The following SERBP1 variants were observed in gnomAD, a reference collection of about 807,000 sequenced individuals.
The protein encoded by SERBP1 is SERPINE1 mRNA-binding protein 1.
Under a neutral mutation model 50.2 loss-of-function variants are expected in SERBP1, and 6 were observed. The observed-to-expected ratio is 0.12, with a 90% CI of 0.07 to 0.24. The LOEUF (loss-of-function observed/expected upper bound fraction) is 0.24, where lower values mean the gene tolerates loss of function less well. Among genes scored for constraint, SERBP1 ranks in the 10% least tolerant of loss-of-function variants. SERBP1 has a pLI of 1.00. For synonymous variants in SERBP1, 168 were observed against 182.8 expected, an observed-to-expected ratio of 0.92 and a Z score of 0.65; for missense variants, 346 against 524.9, an observed-to-expected ratio of 0.66 and a Z score of 3.33.
chr1:67,412,930 A>G lies in SERBP1; in HGVS notation c.*277T>C, dbSNP rs1666887616. ...GAAATGCATATTTGCAAGCAGCAATACAAAAGTATTCATGAAGAATGCATA... is the reference window on the plus strand; with the variant it reads ...GAAATGCATATTTGCAAGCAGCAATGCAAAAGTATTCATGAAGAATGCATA... On this transcript the variant is annotated 3_prime_UTR_variant, in exon 8 of 8. Coordinates refer to ENST00000361219, the MANE Select transcript of SERBP1 (RefSeq NM_001018069.2). 2.2e-6 allele frequency: 1 copy of G among 447,914 alleles called. No individual in the cohort carries two copies. Among genetic ancestry groups the G allele is most frequent in the Non-Finnish European group, 3.9e-6 (1 of 254,720 alleles). 27.7% of individuals were successfully genotyped at this position (447,914 alleles called of 1,614,324 possible).
At chr1:67,429,349 G>A (rs983028163) in intron 1 of SERBP1, 1 of 152,200 alleles carries the variant, frequency 6.6e-6, no homozygotes, top group South Asian at 2.1e-4. Flanking sequence ...ATTTCCCAAC[G>A]GCTCAACTCA....
At chr1:67,429,849 T>C (rs1367555063) in intron 1 of SERBP1, 139 bp downstream of exon 1, 13 of 1,013,654 alleles carry the variant, frequency 1.3e-5, no homozygotes, top group Non-Finnish European at 1.6e-5. Context: ...GACCGGACTT[T>C]TGTCGCGTGA....
chr1:67,424,999 A>G (rs751914900), intron 3 of SERBP1, 22 bp from the exon 4 acceptor site: 1 of 1,608,430 alleles, frequency 6.2e-7, no homozygotes, highest in African/African-American at 1.3e-5. Context: ...GAGTTAACAT[A>G]ATACTCTTTA....
chr1:67,415,088 G>A (rs1666958844), intron 7 of SERBP1, 78 bp downstream of exon 7: 7 of 1,420,132 alleles, frequency 4.9e-6, no homozygotes, highest in Non-Finnish European at 6.6e-6. Context: ...GTTCCCAAAA[G>A]TGACATAAGT....
At position 67,410,584 on chromosome 1, in the gene SERBP1, T is replaced by G. The variant is rs1490322926; in HGVS notation, c.*2623A>C. On this transcript the variant is annotated 3_prime_UTR_variant, in exon 8 of 8. Coordinates refer to ENST00000361219, the MANE Select transcript of SERBP1 (RefSeq NM_001018069.2). ...TCTCCAATCATTTCAATACAAGCTG[T>G]AAAAATGCCTTAAAAATCTCAGGTC... The G allele has an allele frequency of 6.6e-6, 1 of 152,150 alleles. No homozygotes were observed. Among genetic ancestry groups the G allele is most frequent in the Non-Finnish European group, 1.5e-5 (1 of 68,002 alleles). The allele number at this position is 152,150 out of a possible 1,614,324, so 9.4% of individuals were successfully genotyped here.
In SERBP1 at chr1:67,430,058, C is replaced by T. The variant is rs1322560205; in HGVS notation, c.243G>A (p.Pro81=). The T allele has an allele frequency of 1.9e-6, 3 of 1,613,694 alleles. No individual in the cohort carries two copies. The South Asian group carries it at 3.3e-5, about 18-fold the overall frequency. ...RKESQKDRKN[P]LPPSVGVVDK... ...CAACCACGCCAACGCTGGGGGGCAG[C>T]GGGTTCTTGCGGTCTTTCTGGGACT... Residue 81 remains proline, a synonymous_variant, in exon 1 of 8, where the codon CCG becomes CCA. Coordinates refer to ENST00000361219, the MANE Select transcript of SERBP1 (RefSeq NM_001018069.2).
chr1:67,429,834 C>A (rs577373816), intron 1 of SERBP1, among the ~76,000 whole-genome samples, 154 bp downstream of exon 1: 1 of 152,274 alleles, frequency 6.6e-6, no homozygotes, highest in African/African-American at 2.4e-5. Flanking sequence ...CTGGCACCTT[C>A]GCAGGACCGG....
intron 6 of SERBP1, among the ~76,000 whole-genome samples, chr1:67,416,273 A>G (rs760870378): frequency 2.0e-5 from 3 of 152,220 alleles, no homozygotes; most frequent in Non-Finnish European, 2.9e-5. Flanking sequence ...TTGGCCTTCC[A>G]AAGTGCTGGG....
intron 1 of SERBP1, among the ~76,000 whole-genome samples, chr1:67,427,007 T>C (rs1178128700): frequency 6.6e-6 from 1 of 152,208 alleles, no homozygotes; most frequent in South Asian, 2.1e-4. Context: ...TAAAATTTTA[T>C]AGCATGTAAG....
chr1:67,415,566 G>C (rs1666977524), intron 6 of SERBP1, among the ~76,000 whole-genome samples: 1 of 152,162 alleles, frequency 6.6e-6, no homozygotes, highest in Admixed American at 6.5e-5. Flanking sequence ...AATACCAGCA[G>C]TCCTCAACTA....
intron 3 of SERBP1, 48 bp from the exon 4 acceptor site, chr1:67,425,025 AGTTT>A (rs745796964): frequency 8.3e-5 from 133 of 1,600,924 alleles, no homozygotes; most frequent in Admixed American, 3.2e-4. Flanking sequence ...AGAAATTCAA[AGTTT>A]GTTTATTAAA....
At chr1:67,419,136 T>A (rs1394910311) in intron 6 of SERBP1, among the ~76,000 whole-genome samples, 4 of 152,248 alleles carry the variant, frequency 2.6e-5, no homozygotes, top group African/African-American at 9.6e-5. Flanking sequence ...TCTGTCAGTC[T>A]TGAGACAAGC....
chr1:67,415,054 G>T, intron 7 of SERBP1, 112 bp downstream of exon 7: 1 of 1,197,768 alleles, frequency 8.3e-7, no homozygotes, highest in Non-Finnish European at 1.1e-6. Flanking sequence ...GTTTCTTAAA[G>T]ACACTGCTAC....
chr1:67,428,272 A>G (rs951358934), intron 1 of SERBP1, among the ~76,000 whole-genome samples: 1 of 152,256 alleles, frequency 6.6e-6, no homozygotes, highest in Non-Finnish European at 1.5e-5. Context: ...GGTGAACCTA[A>G]GTCTTGGTTC....
At chr1:67,419,412 C>T (rs780550707) in intron 6 of SERBP1, among the ~76,000 whole-genome samples, 6 of 152,194 alleles carry the variant, frequency 3.9e-5, no homozygotes, top group Non-Finnish European at 5.9e-5. Context: ...CTAGCATCCT[C>T]ATGTTGTTCA....
intron 6 of SERBP1, among the ~76,000 whole-genome samples, chr1:67,419,304 TTA>T (rs1211633440): frequency 6.6e-6 from 1 of 152,236 alleles, no homozygotes; most frequent in Non-Finnish European, 1.5e-5. Context: ...TGTTAACTGG[TTA>T]TGTTATCACT....
chr1:67,426,314 AAATT>A (rs1667378469), intron 1 of SERBP1, 29 bp from the exon 2 acceptor site: 1 of 1,544,916 alleles, frequency 6.5e-7, no homozygotes, highest in Non-Finnish European at 8.7e-7. Flanking sequence ...CTGCATAAGC[AAATT>A]ATTTTTGCAA....
In SERBP1 at chr1:67,409,422, C is replaced by CA. The variant is rs1666755561; in HGVS notation, c.*3784_*3785insT. On this transcript the variant is annotated 3_prime_UTR_variant, in exon 8 of 8. Coordinates refer to ENST00000361219, the MANE Select transcript of SERBP1 (RefSeq NM_001018069.2). ...ACACACACACACACACACACACACC[C>CA]CCACACACACCAGGTCACAGGCTGA... The CA allele has an allele frequency of 2.2e-5, 2 of 92,630 alleles. No homozygotes were observed. Among genetic ancestry groups the CA allele is most frequent in the African/African-American group, 6.4e-5 (1 of 15,696 alleles). The allele number at this position is 92,630 out of a possible 1,614,324, so 5.7% of individuals were successfully genotyped here.
In SERBP1 at chr1:67,411,322, AAG is replaced by A. The variant is rs1158997785; in HGVS notation, c.*1883_*1884del. 2.6e-5 allele frequency: 4 copies of A among 152,192 alleles called. No homozygotes were observed. The highest frequency in any genetic ancestry group is 6.5e-5 in the Admixed American group (1 of 15,274). The allele number at this position is 152,192 out of a possible 1,614,324, so 9.4% of individuals were successfully genotyped here. ...TTTCTATAGTATGTTGCTGGAAATC[AAG>A]AGGTTTATAAAACATGGTACATGTT... On this transcript the variant is annotated 3_prime_UTR_variant, in exon 8 of 8. Transcript: ENST00000361219.
Sources: allele counts gnomAD v4.1 joint callset (sites outside exome capture counted in the v4.1 genomes callset), GRCh38; gene constraint gnomAD v4.1.1; transcripts MANE v1.5; gene names NCBI Gene and HGNC (gene_info 2026-07-23, HGNC 2026-07-21).